Variants in DIAPH3 observed in about 807,000 individuals in gnomAD.
The protein encoded by DIAPH3 is protein diaphanous homolog 3.
DIAPH3 carries 117 observed loss-of-function variants against 144.3 expected under a neutral mutation model. The observed-to-expected ratio is 0.81, with a 90% CI of 0.70 to 0.95. The LOEUF (loss-of-function observed/expected upper bound fraction) is 0.95. Ranked by LOEUF, DIAPH3 falls within the 40% of genes least tolerant of loss-of-function variation. The probability of loss-of-function intolerance (pLI) is 0.00; values close to 1 mark genes in which losing one functional copy is unlikely to be tolerated. For missense variants in DIAPH3, 1,421 were observed against 1,412.7 expected, an observed-to-expected ratio of 1.01 and a Z score of -0.09; for synonymous variants, 519 against 488.9, an observed-to-expected ratio of 1.06 and a Z score of -0.81.
At chr13:59,667,220 C>T (rs928767229) in intron 27 of DIAPH3, among the ~76,000 whole-genome samples, 26 of 152,200 alleles carry the variant, frequency 1.7e-4, no homozygotes, top group African/African-American at 6.3e-4. Context: ...GCCCTTTGCA[C>T]TGCTCTATCC....
At chr13:59,728,902 T>C (rs1286875775) in intron 27 of DIAPH3, among the ~76,000 whole-genome samples, 1 of 152,058 alleles carries the variant, frequency 6.6e-6, no homozygotes, top group Non-Finnish European at 1.5e-5. Context: ...TAAGAAGAAG[T>C]AGAAAGCTCC....
chr13:59,900,108 T>A (rs941011600), intron 20 of DIAPH3, among the ~76,000 whole-genome samples: 1 of 152,152 alleles, frequency 6.6e-6, no homozygotes, highest in African/African-American at 2.4e-5. Flanking sequence ...TGTGAGTGAT[T>A]TTTTCCCTGT....
At chr13:59,815,819 A>T (rs2040740706) in intron 24 of DIAPH3, among the ~76,000 whole-genome samples, 2 of 152,010 alleles carry the variant, frequency 1.3e-5, no homozygotes, top group South Asian at 4.2e-4. Context: ...TAGTTTTCCT[A>T]TAGGATTTGT....
chr13:59,932,795 G>T (rs1289550515), intron 17 of DIAPH3, among the ~76,000 whole-genome samples: 2 of 152,110 alleles, frequency 1.3e-5, no homozygotes, highest in Non-Finnish European at 2.9e-5. Context: ...TGGACAAAGG[G>T]ATACAAAGAA....
chr13:59,772,142 T>C (rs1035298992), intron 27 of DIAPH3, among the ~76,000 whole-genome samples: 2 of 152,054 alleles, frequency 1.3e-5, no homozygotes, highest in Non-Finnish European at 1.5e-5. Flanking sequence ...AAAGTAGTTT[T>C]TAGAAATAGA....
At chr13:60,070,439 G>A (rs893840290) in intron 4 of DIAPH3, among the ~76,000 whole-genome samples, 2 of 151,202 alleles carry the variant, frequency 1.3e-5, no homozygotes, top group Non-Finnish European at 2.9e-5. Flanking sequence ...AACAGTTTTA[G>A]GGTTTAAAAA....
chr13:60,040,912 C>T (rs1444024184), intron 5 of DIAPH3, among the ~76,000 whole-genome samples: 1 of 152,258 alleles, frequency 6.6e-6, no homozygotes, highest in South Asian at 2.1e-4. Flanking sequence ...CTCCTAGGTT[C>T]AAGCGATTCT....
chr13:59,932,243 G>A (rs752132313), intron 17 of DIAPH3, among the ~76,000 whole-genome samples: 12 of 151,672 alleles, frequency 7.9e-5, no homozygotes, highest in Non-Finnish European at 1.3e-4. Context: ...GAAACATTTC[G>A]TAGTCTACCT....
intron 5 of DIAPH3, among the ~76,000 whole-genome samples, chr13:60,021,760 G>A (rs937470148): frequency 6.6e-6 from 1 of 151,968 alleles, no homozygotes; most frequent in Non-Finnish European, 1.5e-5. Context: ...AAAAATGTAG[G>A]TGGACTGAAA....
At chr13:59,697,871 T>C (rs557661210) in intron 27 of DIAPH3, among the ~76,000 whole-genome samples, 3 of 152,254 alleles carry the variant, frequency 2.0e-5, no homozygotes, top group Non-Finnish European at 4.4e-5. Context: ...CAATGTCTTG[T>C]ATTTCCCAGA....
intron 5 of DIAPH3, among the ~76,000 whole-genome samples, chr13:60,030,462 T>G (rs1183071475): frequency 6.6e-6 from 1 of 152,154 alleles, no homozygotes; most frequent in Non-Finnish European, 1.5e-5. Flanking sequence ...AAATACCTGC[T>G]CTCCTGTCTT....
At chr13:59,972,704 G>C (rs181577264) in intron 15 of DIAPH3, among the ~76,000 whole-genome samples, 1 of 152,240 alleles carries the variant, frequency 6.6e-6, no homozygotes. Context: ...AACTATCAAT[G>C]TCTTAAAGAT....
At chr13:60,014,744 C>T (rs2053514241) in intron 7 of DIAPH3, among the ~76,000 whole-genome samples, 1 of 152,036 alleles carries the variant, frequency 6.6e-6, no homozygotes, top group Non-Finnish European at 1.5e-5. Flanking sequence ...AATCGTACCA[C>T]CACAGGTAAA....
intron 4 of DIAPH3, among the ~76,000 whole-genome samples, chr13:60,061,341 C>T (rs911352064): frequency 2.0e-5 from 3 of 151,896 alleles, no homozygotes; most frequent in Admixed American, 6.6e-5. Flanking sequence ...GAGACCTTAA[C>T]CCATGGACAA....
At chr13:59,858,358 C>T (rs1002245152) in intron 22 of DIAPH3, among the ~76,000 whole-genome samples, 1 of 152,094 alleles carries the variant, frequency 6.6e-6, no homozygotes, top group Non-Finnish European at 1.5e-5. Flanking sequence ...GACACAGACA[C>T]TACACCTGAA....
intron 24 of DIAPH3, among the ~76,000 whole-genome samples, chr13:59,811,837 A>T (rs2040493223): frequency 6.6e-6 from 1 of 151,754 alleles, no homozygotes; most frequent in African/African-American, 2.4e-5. Flanking sequence ...AGAAGATCTC[A>T]ATAGATATGT....
intron 27 of DIAPH3, among the ~76,000 whole-genome samples, chr13:59,758,270 A>G (rs576656854): frequency 2.4e-4 from 36 of 152,348 alleles, no homozygotes; most frequent in African/African-American, 7.9e-4. Context: ...TAGCCATGTT[A>G]TTTGTAATGG....
chr13:59,906,670 T>C lies in DIAPH3; in HGVS notation c.2367+5065A>G, dbSNP rs577303301. Among the ~76,000 whole-genome samples the C allele has an allele frequency of 4.6e-4, 70 of 152,286 alleles. 2 individuals are homozygous for C. In the South Asian group the frequency reaches 0.014, roughly 31 times the overall value. On this transcript the variant is annotated intron_variant, in intron 20 of 27. Coordinates refer to ENST00000400324, the MANE Select transcript of DIAPH3 (RefSeq NM_001042517.2). ...ATACAGCACACAAACAGGACATTTG[T>C]TCGATTCAATCTTCCTATAAATGTT...
At chr13:59,912,198 G>A (rs943357930) in intron 19 of DIAPH3, among the ~76,000 whole-genome samples, 3 of 152,068 alleles carry the variant, frequency 2.0e-5, no homozygotes, top group African/African-American at 7.2e-5. Flanking sequence ...AGAAATTTCA[G>A]GCAAAGCCAA....
Sources: allele counts gnomAD v4.1 joint callset (sites outside exome capture counted in the v4.1 genomes callset), GRCh38; gene constraint gnomAD v4.1.1; transcripts MANE v1.5; gene names NCBI Gene and HGNC (gene_info 2026-07-23, HGNC 2026-07-21).